Variants in ITPR1 observed in about 807,000 individuals in gnomAD.
ITPR1 encodes the protein inositol 1,4,5-trisphosphate-gated calcium channel ITPR1.
In ITPR1, 96 loss-of-function variants were observed where a neutral mutation model predicts 318.4. The ratio of observed to expected loss-of-function variants is 0.30; its 90% CI spans 0.26 to 0.36. ITPR1 has a LOEUF of 0.36. Ranked by LOEUF, ITPR1 falls within the 10% of genes least tolerant of loss-of-function variation. The pLI is 1.00. For synonymous variants in ITPR1, 1,312 were observed against 1,289.9 expected, an observed-to-expected ratio of 1.02 and a Z score of -0.37; for missense variants, 2,440 against 3,460.2, an observed-to-expected ratio of 0.71 and a Z score of 7.40.
At position 4,684,341 on chromosome 3, in the gene ITPR1, A is replaced by G; in HGVS notation, c.3559A>G (p.Lys1187Glu). Reference protein sequence around the residue: ...STSSYNYRVVKEILIRLSKLC... With the variant: ...STSSYNYRVVEEILIRLSKLC... ...CAGCAGCTACAACTACAGAGTGGTC[A>G]AAGAGGTAAGCTCCTCCCCCACCAC... Residue 1187 changes from lysine to glutamate, a missense_variant, in exon 29 of 62, where the codon AAA (lysine) becomes GAA (glutamate). By Grantham distance (56) the Lys-to-Glu change is moderately conservative (BLOSUM62 1). This residue lies in a region of ITPR1 where 86 missense variants were observed against 75.6 expected (regional missense o/e 1.14). Transcript: ENST00000649015. 1 of 1,610,864 alleles carries G rather than the reference A, an allele frequency of 6.2e-7. No homozygotes were observed. The highest frequency in any genetic ancestry group is 2.2e-5 in the East Asian group (1 of 44,848).
chr3:4,525,532 G>C (rs1306558162), intron 4 of ITPR1, among the ~76,000 whole-genome samples: 12 of 152,156 alleles, frequency 7.9e-5, no homozygotes, highest in Admixed American at 7.2e-4. Context: ...CTGCACATCT[G>C]TTTCACATAA....
At chr3:4,529,005 G>C (rs895914365) in intron 4 of ITPR1, among the ~76,000 whole-genome samples, 1 of 152,188 alleles carries the variant, frequency 6.6e-6, no homozygotes, top group African/African-American at 2.4e-5. Flanking sequence ...GGTGCCTGCT[G>C]CCTGATTATG....
chr3:4,744,143 G>C (rs1476882320), intron 44 of ITPR1, among the ~76,000 whole-genome samples: 1 of 152,178 alleles, frequency 6.6e-6, no homozygotes, highest in Non-Finnish European at 1.5e-5. Context: ...CTAGGAATTT[G>C]TTTCTAAGAG....
chr3:4,735,000 C>T (rs915734734), intron 43 of ITPR1, among the ~76,000 whole-genome samples, 164 bp from the exon 44 acceptor site: 2 of 152,186 alleles, frequency 1.3e-5, no homozygotes, highest in African/African-American at 2.4e-5. Flanking sequence ...GCACCTTCAT[C>T]GCTCTGTGTT....
chr3:4,611,768 C>G (rs1286430518), intron 4 of ITPR1, among the ~76,000 whole-genome samples: 1 of 151,880 alleles, frequency 6.6e-6, no homozygotes, highest in Non-Finnish European at 1.5e-5. Context: ...AATAAACTTG[C>G]TTTGAATTCA....
chr3:4,586,842 T>A (rs546663047), intron 4 of ITPR1, among the ~76,000 whole-genome samples: 1 of 152,208 alleles, frequency 6.6e-6, no homozygotes, highest in African/African-American at 2.4e-5. Context: ...GCCAGATCTT[T>A]GCCCTGCTTT....
chr3:4,571,929 T>A (rs1325556939), intron 4 of ITPR1, among the ~76,000 whole-genome samples: 1 of 152,122 alleles, frequency 6.6e-6, no homozygotes, highest in African/African-American at 2.4e-5. Context: ...CAATTTTAAT[T>A]GTATGCAGTT....
At chr3:4,635,403 C>T (rs1222817400) in intron 5 of ITPR1, among the ~76,000 whole-genome samples, 2 of 152,056 alleles carry the variant, frequency 1.3e-5, no homozygotes, top group South Asian at 2.1e-4. Flanking sequence ...TGCAGTGGCA[C>T]GATCTCGGCT....
At chr3:4,497,623 T>C (rs1244256351) in intron 2 of ITPR1, among the ~76,000 whole-genome samples, 1 of 152,172 alleles carries the variant, frequency 6.6e-6, no homozygotes, top group East Asian at 1.9e-4. Context: ...TGTAAAATGG[T>C]GAAGCTGCTG....
chr3:4,775,035 T>C (rs1361481694), intron 46 of ITPR1, among the ~76,000 whole-genome samples: 5 of 152,240 alleles, frequency 3.3e-5, no homozygotes, highest in Non-Finnish European at 7.3e-5. Flanking sequence ...GAGAGCAGGT[T>C]GCATTGTTGA....
At chr3:4,827,596 C>T (rs1052196140) in intron 60 of ITPR1, among the ~76,000 whole-genome samples, 1 of 152,188 alleles carries the variant, frequency 6.6e-6, no homozygotes, top group African/African-American at 2.4e-5. Context: ...CAAATCCTCT[C>T]TCTTCAGGGC....
chr3:4,782,047 A>C (rs190109460), intron 49 of ITPR1, among the ~76,000 whole-genome samples: 77 of 152,358 alleles, frequency 5.1e-4, no homozygotes, highest in Non-Finnish European at 5.9e-5. Context: ...TTTTGAAAGA[A>C]TGTTAAACAC....
chr3:4,806,358 G>T, intron 55 of ITPR1, 91 bp downstream of exon 55: 1 of 1,256,678 alleles, frequency 8.0e-7, no homozygotes, highest in South Asian at 1.3e-5. Flanking sequence ...TCCTTTTAAT[G>T]GTGATTGGTG....
intron 4 of ITPR1, among the ~76,000 whole-genome samples, chr3:4,534,653 A>G (rs2083697638): frequency 6.6e-6 from 1 of 152,166 alleles, no homozygotes; most frequent in Admixed American, 6.5e-5. Context: ...TTCGTCTGGT[A>G]TTTTTCCGGG....
chr3:4,680,462 T>C, intron 24 of ITPR1, 91 bp from the exon 25 acceptor site: 2 of 1,157,834 alleles, frequency 1.7e-6, no homozygotes, highest in South Asian at 2.7e-5. Flanking sequence ...ATGCAGCTGA[T>C]ACCAGGCCCC....
At chr3:4,723,220 G>T (rs2042287265) in intron 40 of ITPR1, among the ~76,000 whole-genome samples, 1 of 152,216 alleles carries the variant, frequency 6.6e-6, no homozygotes, top group Non-Finnish European at 1.5e-5. Flanking sequence ...TGGATGCCCA[G>T]AGAGGTTCAG....
At chr3:4,582,586 G>C (rs2089468260) in intron 4 of ITPR1, among the ~76,000 whole-genome samples, 1 of 152,168 alleles carries the variant, frequency 6.6e-6, no homozygotes, top group African/African-American at 2.4e-5. Context: ...GATGATGAGT[G>C]GTTGACCATG....
chr3:4,836,009 T>C (rs895594358), intron 60 of ITPR1, among the ~76,000 whole-genome samples: 5 of 152,118 alleles, frequency 3.3e-5, no homozygotes, highest in Non-Finnish European at 7.4e-5. Flanking sequence ...AACGGGGACA[T>C]TGACAGAAGA....
chr3:4,636,246 T>C (rs1353617082), intron 5 of ITPR1, among the ~76,000 whole-genome samples: 1 of 152,184 alleles, frequency 6.6e-6, no homozygotes, highest in Non-Finnish European at 1.5e-5. Context: ...TGGGAAGTTT[T>C]CTCCTTAATG....
Sources: gnomAD v4.1 joint callset for allele counts (sites outside exome capture counted in the v4.1 genomes callset) on GRCh38, gnomAD v4.1.1 for gene constraint, gnomAD v4.1.1 regional missense constraint, MANE v1.5 for transcripts, NCBI Gene and HGNC (gene_info 2026-07-23, HGNC 2026-07-21) for gene names.